The following SFMBT1 variants were observed in gnomAD, a reference collection of about 807,000 sequenced individuals.
The protein encoded by SFMBT1 is Scm like with four mbt domains 1.
In SFMBT1, 32 loss-of-function variants were observed where a neutral mutation model predicts 108.7. The ratio of observed to expected loss-of-function variants is 0.29; its 90% CI spans 0.22 to 0.40. The LOEUF (loss-of-function observed/expected upper bound fraction) is 0.40, where lower values mean the gene tolerates loss of function less well. SFMBT1 is among the 10% of genes least tolerant of loss of function. The pLI is 1.00. For missense variants in SFMBT1, 816 were observed against 1,059.6 expected (o/e 0.77, Z 3.19); for synonymous variants, 348 against 369.5 (o/e 0.94, Z 0.67).
At chr3:52,965,290 G>C (rs906282473) in intron 2 of SFMBT1, among the ~76,000 whole-genome samples, 2 of 145,898 alleles carry the variant, frequency 1.4e-5, no homozygotes, top group Non-Finnish European at 3.0e-5. Context: ...CAAAACAACA[G>C]AAAAAACCCA....
chr3:52,917,851 G>A lies in SFMBT1; in HGVS notation c.1415+633C>T, dbSNP rs143037154. Among the ~76,000 whole-genome samples, 452 of 152,132 alleles carry A rather than the reference G, an allele frequency of 3.0e-3. 4 individuals are homozygous for A. Among genetic ancestry groups the A allele is most frequent in the African/African-American group, 0.01 (426 of 41,472 alleles). On this transcript the variant is annotated intron_variant, in intron 13 of 20. Transcript: ENST00000394752. ...TAGAAAAACTGTCTTCCACGAAACC[G>A]GTCCCTGGTGCCAAAAACGTTGGGG...
intron 2 of SFMBT1, among the ~76,000 whole-genome samples, chr3:52,955,873 T>C (rs1326954381): frequency 6.6e-6 from 1 of 152,186 alleles, no homozygotes; most frequent in Non-Finnish European, 1.5e-5. Flanking sequence ...ATCATCCTGA[T>C]ACCAAAACCT....
intron 17 of SFMBT1, among the ~76,000 whole-genome samples, chr3:52,908,316 C>T (rs1702128502): frequency 6.6e-6 from 1 of 151,954 alleles, no homozygotes; most frequent in African/African-American, 2.4e-5. Flanking sequence ...TCATGATCTG[C>T]CCGCCTTGGC....
At chr3:52,918,146 T>C (rs1226387884) in intron 13 of SFMBT1, among the ~76,000 whole-genome samples, 1 of 152,226 alleles carries the variant, frequency 6.6e-6, no homozygotes, top group African/African-American at 2.4e-5. Flanking sequence ...TTTATTTTTT[T>C]CCACTGTGAC....
rs1453279858 is a variant in SFMBT1 at position 52,932,011 on chromosome 3, A to G, written c.700+51T>C. 3.2e-6 allele frequency: 5 copies of G among 1,573,822 alleles called. 1 individual carries two copies. The South Asian group carries it at 4.6e-5, about 15-fold the overall frequency. ...TATTTTTTCAGCCTCATAGATATTAATAACATAGCATGTTAATGTCACAGA... is the reference window on the plus strand; with the variant it reads ...TATTTTTTCAGCCTCATAGATATTAGTAACATAGCATGTTAATGTCACAGA... On this transcript the variant is annotated intron_variant, in intron 6 of 20. Transcript: ENST00000394752.
At chr3:53,017,626 GA>G (rs962455258) in intron 1 of SFMBT1, among the ~76,000 whole-genome samples, 29 of 152,194 alleles carry the variant, frequency 1.9e-4, no homozygotes, top group African/African-American at 6.7e-4. Flanking sequence ...GAACAAGAAG[GA>G]ACTTAAAGAG....
intron 3 of SFMBT1, among the ~76,000 whole-genome samples, chr3:52,950,099 G>A (rs972262935): frequency 4.6e-5 from 7 of 152,160 alleles, no homozygotes; most frequent in African/African-American, 1.2e-4. Flanking sequence ...CATTCAAAGT[G>A]ATTACTGATA....
intron 3 of SFMBT1, among the ~76,000 whole-genome samples, chr3:52,947,947 C>G (rs1358733552): frequency 6.6e-6 from 1 of 152,042 alleles, no homozygotes; most frequent in Admixed American, 6.6e-5. Flanking sequence ...GTTGTCTAGG[C>G]TGCTCTCGAA....
intron 3 of SFMBT1, among the ~76,000 whole-genome samples, chr3:52,949,491 GTTGTT>G (rs2106825649): frequency 6.8e-6 from 1 of 147,486 alleles, no homozygotes; most frequent in Admixed American, 6.8e-5. Context: ...TTTACATTCT[GTTGTT>G]AGATGCATAC....
chr3:52,926,294 C>G (rs1348583081), intron 9 of SFMBT1, among the ~76,000 whole-genome samples, 181 bp from the exon 10 acceptor site: 1 of 152,166 alleles, frequency 6.6e-6, no homozygotes, highest in African/African-American at 2.4e-5. Flanking sequence ...TAAAATAGAG[C>G]AACTCTGGTC....
At chr3:52,964,652 A>G (rs901180793) in intron 2 of SFMBT1, among the ~76,000 whole-genome samples, 19 of 151,438 alleles carry the variant, frequency 1.3e-4, no homozygotes, top group Non-Finnish European at 2.2e-4. Flanking sequence ...TACTTTAAAG[A>G]AAAAAAAAGC....
chr3:53,002,615 T>C lies in SFMBT1; in HGVS notation c.-130-33357A>G, dbSNP rs1698598869. On this transcript the variant is annotated intron_variant, in intron 1 of 20. Transcript: ENST00000394752. Reference sequence around the variant, plus strand: ...ATGAATAACGAGCAAAAGTTGGAAGTCTGTCTTGAGGGTGCTAAACTCACA... The same window carrying C: ...ATGAATAACGAGCAAAAGTTGGAAGCCTGTCTTGAGGGTGCTAAACTCACA... 1.3e-5 allele frequency among the ~76,000 whole-genome samples: 2 copies of C among 149,910 alleles called. 1 individual carries two copies. The highest frequency in any genetic ancestry group is 3.0e-5 in the Non-Finnish European group (2 of 66,988).
chr3:53,011,435 C>A (rs1318805591), intron 1 of SFMBT1, among the ~76,000 whole-genome samples: 1 of 152,142 alleles, frequency 6.6e-6, no homozygotes, highest in Non-Finnish European at 1.5e-5. Context: ...CTATAGTACA[C>A]AAACAGCACC....
chr3:52,938,510 T>C (rs567707771), intron 4 of SFMBT1, among the ~76,000 whole-genome samples: 1 of 152,306 alleles, frequency 6.6e-6, no homozygotes, highest in South Asian at 2.1e-4. Context: ...TTTGTTGTTG[T>C]TGTTTCTATA....
At chr3:52,966,450 C>G (rs1309869676) in intron 2 of SFMBT1, among the ~76,000 whole-genome samples, 3 of 150,512 alleles carry the variant, frequency 2.0e-5, no homozygotes, top group Non-Finnish European at 4.4e-5. Flanking sequence ...ACAGTGAAAC[C>G]CCGTCTCTAC....
At chr3:52,905,940 A>C (rs1702053594) in intron 20 of SFMBT1, among the ~76,000 whole-genome samples, 173 bp downstream of exon 20, 1 of 152,378 alleles carries the variant, frequency 6.6e-6, no homozygotes, top group African/African-American at 2.4e-5. Flanking sequence ...ACTATGAAGC[A>C]AGTCTGATAA....
At chr3:53,017,176 C>T (rs1356127890) in intron 1 of SFMBT1, among the ~76,000 whole-genome samples, 1 of 152,122 alleles carries the variant, frequency 6.6e-6, no homozygotes, top group East Asian at 1.9e-4. Flanking sequence ...GGCTAAGAAA[C>T]ACACCCAAGC....
At chr3:52,999,969 C>G (rs1363663020) in intron 1 of SFMBT1, among the ~76,000 whole-genome samples, 1 of 150,404 alleles carries the variant, frequency 6.6e-6, no homozygotes, top group East Asian at 1.9e-4. Flanking sequence ...AGCAATTCTC[C>G]TGCCTCAGCC....
At chr3:53,012,029 T>A (rs909791533) in intron 1 of SFMBT1, among the ~76,000 whole-genome samples, 4 of 152,186 alleles carry the variant, frequency 2.6e-5, no homozygotes, top group Non-Finnish European at 5.9e-5. Context: ...TAAGTATCTA[T>A]GTGCCAGCCA....
Sources: allele counts gnomAD v4.1 joint callset (sites outside exome capture counted in the v4.1 genomes callset), GRCh38; gene constraint gnomAD v4.1.1; transcripts MANE v1.5; gene names NCBI Gene and HGNC (gene_info 2026-07-23, HGNC 2026-07-21).